Variants in KIFC2 observed in about 807,000 individuals in gnomAD.
KIFC2 encodes the protein kinesin-like protein KIFC2.
A neutral mutation model predicts 91.5 loss-of-function variants in KIFC2; 94 were observed. The observed-to-expected ratio is 1.03, with a 90% CI of 0.87 to 1.22. KIFC2 has a LOEUF of 1.22. Among genes scored for constraint, KIFC2 ranks in the 50% most tolerant of loss-of-function variants. The pLI, the probability that KIFC2 is intolerant of heterozygous loss-of-function variation, is 0.00. For synonymous variants in KIFC2, 729 were observed against 503.9 expected, an observed-to-expected ratio of 1.45 and a Z score of -5.98; for missense variants, 1,357 against 1,103.3, an observed-to-expected ratio of 1.23 and a Z score of -3.26.
At position 144,468,335 on chromosome 8, in the gene KIFC2, G is replaced by T; in HGVS notation, c.817G>T (p.Ala273Ser). 6.2e-7 allele frequency: 1 copy of T among 1,611,230 alleles called. No individual in the cohort carries two copies. Among genetic ancestry groups the T allele is most frequent in the African/African-American group, 1.3e-5 (1 of 75,006 alleles). Reference protein sequence around the residue: ...GPPIRAPQEEAEALLELQGRL... With the variant: ...GPPIRAPQEESEALLELQGRL... ...GGCCCCCACCCTCCCGCAGGAGGAG[G>T]CAGAGGCATTGCTAGAGCTCCAGGG... The change falls in exon 8 of 18, where the codon GCA becomes TCA. Residue 273 changes from alanine (A) to serine (S), a missense_variant. Ala to Ser is a moderately conservative substitution (Grantham distance 99). Transcript: ENST00000645548.
At position 144,473,307 on chromosome 8, in the gene KIFC2, C is replaced by T. The variant is rs571628325; in HGVS notation, c.2294C>T (p.Pro765Leu). The change falls in exon 18 of 18, where the codon CCG becomes CTG. Residue 765 changes from proline (P) to leucine (L), a missense_variant. By Grantham distance (98) the Pro-to-Leu change is moderately conservative. Coordinates refer to ENST00000645548, the MANE Select transcript of KIFC2 (RefSeq NM_001369769.2). ...PLTGTPCTPTPSPGSPPCPSP... is the reference protein window; with the variant it reads ...PLTGTPCTPTLSPGSPPCPSP... ...ACCGGGACCCCCTGCACCCCTACGC[C>T]GTCCCCTGGCAGTCCTCCATGCCCC... The T allele has an allele frequency of 1.2e-6, 2 of 1,604,024 alleles. No individual in the cohort carries two copies. Among genetic ancestry groups the T allele is most frequent in the African/African-American group, 1.3e-5 (1 of 74,818 alleles).
At chr8:144,469,442 G>T in intron 11 of KIFC2, 48 bp from the exon 12 acceptor site, 2 of 1,613,366 alleles carry the variant, frequency 1.2e-6, no homozygotes, top group Non-Finnish European at 1.7e-6. Context: ...CAGCTTCTCT[G>T]TGCTTTAGGG....
At position 144,472,501 on chromosome 8, in the gene KIFC2, C is replaced by T. The variant is rs377027625; in HGVS notation, c.1731+17C>T. 6.2e-7 allele frequency: 1 copy of T among 1,611,166 alleles called. No homozygotes were observed. Among genetic ancestry groups the T allele is most frequent in the African/African-American group, 1.3e-5 (1 of 74,896 alleles). On this transcript the variant is annotated intron_variant, in intron 15 of 17. Transcript: ENST00000645548. ...TTGCACCAGGTAGGGCTGCACCGCT[C>T]TCCGAGACCCCGCCCCGTGCTTCCA...
rs951063964 is a variant in KIFC2 at position 144,468,150 on chromosome 8, C to G, written c.810+163C>G. On this transcript the variant is annotated intron_variant, in intron 7 of 17. Coordinates refer to ENST00000645548, the MANE Select transcript of KIFC2 (RefSeq NM_001369769.2). ...AATGGGAAGACCCCCCTCTCCGTGGCCCCTCTGAGTGGCTGACCCCAGGAG... is the reference window on the plus strand; with the variant it reads ...AATGGGAAGACCCCCCTCTCCGTGGGCCCTCTGAGTGGCTGACCCCAGGAG... The G allele has an allele frequency of 1.0e-5, 11 of 1,091,134 alleles. No homozygotes were observed. The South Asian group carries it at 1.8e-4, about 18-fold the overall frequency. 67.6% of individuals were successfully genotyped at this position (1,091,134 alleles called of 1,614,324 possible).
rs1401185995 is a variant in KIFC2 at position 144,473,605 on chromosome 8, G to A, written c.*216G>A. The A allele has an allele frequency of 6.3e-6, 4 of 638,756 alleles. No individual in the cohort carries two copies. Among genetic ancestry groups the A allele is most frequent in the African/African-American group, 6.1e-5 (3 of 49,544 alleles). 39.6% of individuals were successfully genotyped at this position (638,756 alleles called of 1,614,324 possible). A position where few individuals can be genotyped will look rare whatever the true frequency, so the allele number is the denominator to read the frequency against. The stretch of plus-strand genomic sequence containing the variant: ...ACCCCCCGCCCCCAGCCCTGCATCA[G>A]GCCACAGGTCTTGGCTTTCTCCTTA... On this transcript the variant is annotated 3_prime_UTR_variant, in exon 18 of 18. Coordinates refer to ENST00000645548, the MANE Select transcript of KIFC2 (RefSeq NM_001369769.2).
rs769766509 is a variant in KIFC2, at chr8:144,466,402, C to T, written c.-18C>T. 3 of 1,202,496 alleles carry T rather than the reference C, an allele frequency of 2.5e-6. No individual in the cohort carries two copies. Among genetic ancestry groups the T allele is most frequent in the Non-Finnish European group, 2.2e-6 (2 of 929,888 alleles). The allele number at this position is 1,202,496 out of a possible 1,614,324, so 74.5% of individuals were successfully genotyped here. ...GCGGGGCGGCGCGAAGCGGGGCCCT[C>T]TGCCGCCCCGCGCTCCCATGTACGC... is the stretch of plus-strand genomic sequence containing the variant. On this transcript the variant is annotated 5_prime_UTR_variant, in exon 1 of 18. Coordinates refer to ENST00000645548, the MANE Select transcript of KIFC2 (RefSeq NM_001369769.2).
Position 144,472,929 on chromosome 8 carries a change from C to A in KIFC2, c.1996C>A (p.Leu666Ile). ...GACCATAAACCGCTCGCTGCTGGCG[C>A]TAGGAGGCGTGATGGCCGCACTGCG... ...AQTINRSLLA[L>I]GGVMAALRAH... Residue 666 changes from leucine to isoleucine, a missense_variant, in exon 17 of 18, where the codon CTA becomes ATA. Transcript: ENST00000645548. The A allele has an allele frequency of 6.7e-6, 10 of 1,489,146 alleles. No individual in the cohort carries two copies. Among genetic ancestry groups the A allele is most frequent in the Non-Finnish European group, 8.8e-6 (10 of 1,130,880 alleles). 92.2% of individuals were successfully genotyped at this position (1,489,146 alleles called of 1,614,324 possible). A position where few individuals can be genotyped will look rare whatever the true frequency, so the allele number is the denominator to read the frequency against.
chr8:144,469,560 A>G lies in KIFC2; in HGVS notation c.1293A>G (p.Pro431=). Residue 431 remains proline, a synonymous_variant, in exon 12 of 18, where the codon CCA becomes CCG. Coordinates refer to ENST00000645548, the MANE Select transcript of KIFC2 (RefSeq NM_001369769.2). ...SSSLVSVEPG[P]GGTVTTCYRG... is the part of the protein sequence containing the mutation. Reference sequence around the variant, plus strand: ...GCCTTGTGAGTGTGGAGCCTGGCCCAGGGGGCACCGTCACCACCTGCTACC... The same window carrying G: ...GCCTTGTGAGTGTGGAGCCTGGCCCGGGGGGCACCGTCACCACCTGCTACC... 6.2e-7 allele frequency: 1 copy of G among 1,613,624 alleles called. No homozygotes were observed. Among genetic ancestry groups the G allele is most frequent in the African/African-American group, 1.3e-5 (1 of 75,044 alleles).
intron 2 of KIFC2, 47 bp downstream of exon 2, chr8:144,466,885 C>T: frequency 6.5e-7 from 1 of 1,541,778 alleles, no homozygotes; most frequent in Middle Eastern, 1.8e-4. Context: ...GTGCCGGGAC[C>T]TCCCAGGGAG....
At position 144,468,667 on chromosome 8, in the gene KIFC2, G is replaced by A. The variant is rs779626206; in HGVS notation, c.1003+17G>A. On this transcript the variant is annotated intron_variant, in intron 9 of 17. Coordinates refer to ENST00000645548, the MANE Select transcript of KIFC2 (RefSeq NM_001369769.2). ...AGCTGGCAGGTAAGGGTTGGGGTTG[G>A]GGCTCATGGGAGGCCCTGGAGGCTG... is the stretch of plus-strand genomic sequence containing the variant. 1.9e-6 allele frequency: 3 copies of A among 1,613,302 alleles called. No homozygotes were observed. The South Asian group carries it at 3.3e-5, about 18-fold the overall frequency.
Position 144,473,127 on chromosome 8 carries a change from C to T in KIFC2, c.2119-5C>T, listed in dbSNP as rs868723076. 8.4e-6 allele frequency: 13 copies of T among 1,556,064 alleles called. No individual in the cohort carries two copies. Among genetic ancestry groups the T allele is most frequent in the East Asian group, 2.4e-5 (1 of 41,610 alleles). ...GGCCCGCCCACCCGCGCCTCTTGCC[C>T]GCAGATCTCCACGCGGCCGGAGGAT... On this transcript the variant is annotated splice_region_variant and splice_polypyrimidine_tract_variant and intron_variant, in intron 17 of 17. Coordinates refer to ENST00000645548, the MANE Select transcript of KIFC2 (RefSeq NM_001369769.2).
chr8:144,466,372 G>C lies in KIFC2; in HGVS notation c.-48G>C, dbSNP rs1824635259. The stretch of plus-strand genomic sequence containing the variant: ...CGGGCGGGCGCCGAGTCTGGGCGCG[G>C]GGACGCGGGGCGGCGCGAAGCGGGG... On this transcript the variant is annotated 5_prime_UTR_variant, in exon 1 of 18. Coordinates refer to ENST00000645548, the MANE Select transcript of KIFC2 (RefSeq NM_001369769.2). 4 of 815,876 alleles carry C rather than the reference G, an allele frequency of 4.9e-6. No individual in the cohort carries two copies. The African/African-American group carries it at 7.4e-5, about 15-fold the overall frequency. The allele number at this position is 815,876 out of a possible 1,614,324, so 50.5% of individuals were successfully genotyped here.
rs1824849348 is a variant in KIFC2 at position 144,469,635 on chromosome 8, C to T, written c.1368C>T (p.Ala456=). Residue 456 remains alanine (A), a synonymous_variant, in exon 12 of 18, where the codon GCC becomes GCT. Coordinates refer to ENST00000645548, the MANE Select transcript of KIFC2 (RefSeq NM_001369769.2). ...FRLDWVFPPD[A]SQEEVFRELE... is the part of the protein sequence containing the mutation. The stretch of plus-strand genomic sequence containing the variant: ...TAGACTGGGTCTTCCCTCCAGACGC[C>T]AGCCAGGAGGAGGTGACAGCCTGCC... 3 of 1,600,268 alleles carry T rather than the reference C, an allele frequency of 1.9e-6. No individual in the cohort carries two copies. Among genetic ancestry groups the T allele is most frequent in the Non-Finnish European group, 1.7e-6 (2 of 1,173,842 alleles).
chr8:144,473,640 G>C lies in KIFC2; in HGVS notation c.*251G>C, dbSNP rs1424173114. The C allele has an allele frequency of 1.9e-6, 1 of 528,504 alleles. No homozygotes were observed. The highest frequency in any genetic ancestry group is 3.2e-6 in the Non-Finnish European group (1 of 317,334). 32.7% of individuals were successfully genotyped at this position (528,504 alleles called of 1,614,324 possible). On this transcript the variant is annotated 3_prime_UTR_variant, in exon 18 of 18. Transcript: ENST00000645548. ...CTTGGCTTTCTCCTTATCACCATTT[G>C]CTGTTATCACGGCACACAGCAGGGA...
intron 4 of KIFC2, 63 bp downstream of exon 4, chr8:144,467,404 G>A (rs1463399045): frequency 1.3e-5 from 20 of 1,545,660 alleles, no homozygotes; most frequent in Non-Finnish European, 1.6e-5. Flanking sequence ...TAGAACCTGG[G>A]CGGCCTGGAG....
rs751070958 is a variant in KIFC2, at chr8:144,472,780, C to G, written c.1862-15C>G. 1 of 1,590,320 alleles carries G rather than the reference C, an allele frequency of 6.3e-7. No homozygotes were observed. The highest frequency in any genetic ancestry group is 8.5e-7 in the Non-Finnish European group (1 of 1,176,578). On this transcript the variant is annotated splice_polypyrimidine_tract_variant and intron_variant, in intron 16 of 17. Coordinates refer to ENST00000645548, the MANE Select transcript of KIFC2 (RefSeq NM_001369769.2). ...GCCCGGCCTTCCCCCATGTCGGGCT[C>G]GCTCGCCCCTCTAGGCACGCTGCAC...
chr8:144,472,785 G>A lies in KIFC2; in HGVS notation c.1862-10G>A. On this transcript the variant is annotated splice_polypyrimidine_tract_variant and intron_variant, in intron 16 of 17. Transcript: ENST00000645548. Reference sequence around the variant, plus strand: ...GCCTTCCCCCATGTCGGGCTCGCTCGCCCCTCTAGGCACGCTGCACCTGGT... The same window carrying A: ...GCCTTCCCCCATGTCGGGCTCGCTCACCCCTCTAGGCACGCTGCACCTGGT... 2 of 1,590,994 alleles carry A rather than the reference G, an allele frequency of 1.3e-6. No homozygotes were observed. Among genetic ancestry groups the A allele is most frequent in the South Asian group, 2.2e-5 (2 of 90,422 alleles).
chr8:144,467,940 G>A lies in KIFC2; in HGVS notation c.763G>A (p.Asp255Asn). 6.2e-7 allele frequency: 1 copy of A among 1,606,916 alleles called. No homozygotes were observed. Among genetic ancestry groups the A allele is most frequent in the Non-Finnish European group, 8.5e-7 (1 of 1,177,766 alleles). The change falls in exon 7 of 18, where the codon GAC becomes AAC. Residue 255 changes from aspartate (D) to asparagine (N), a missense_variant. By Grantham distance (23) the Asp-to-Asn change is conservative. Coordinates refer to ENST00000645548, the MANE Select transcript of KIFC2 (RefSeq NM_001369769.2). The stretch of plus-strand genomic sequence containing the variant: ...GAAGCAGAGCCTGAGTCTCATGCGG[G>A]ACCTCCTGCTGCACTGGGGCCCCGG... ...ALKQSLSLMRDLLLHWGPGPP... is the reference protein window; with the variant it reads ...ALKQSLSLMRNLLLHWGPGPP...
Position 144,473,062 on chromosome 8 carries a change from G to T in KIFC2, c.2118+11G>T. ...GTGCTGCTGCTGCAGGTGGGCGCCGGGGCGGGGCAGGTGTGTGCGTGCCGG... is the reference window on the plus strand; with the variant it reads ...GTGCTGCTGCTGCAGGTGGGCGCCGTGGCGGGGCAGGTGTGTGCGTGCCGG... On this transcript the variant is annotated intron_variant, in intron 17 of 17. Coordinates refer to ENST00000645548, the MANE Select transcript of KIFC2 (RefSeq NM_001369769.2). 7.0e-7 allele frequency: 1 copy of T among 1,436,562 alleles called. No individual in the cohort carries two copies. The highest frequency in any genetic ancestry group is 9.1e-7 in the Non-Finnish European group (1 of 1,100,668). The allele number at this position is 1,436,562 out of a possible 1,614,324, so 89.0% of individuals were successfully genotyped here.
Sources: gnomAD v4.1 joint callset for allele counts on GRCh38, gnomAD v4.1.1 for gene constraint, MANE v1.5 for transcripts, NCBI Gene and HGNC (gene_info 2026-07-23, HGNC 2026-07-21) for gene names.